APBB1IP: variants seen among roughly 807,000 people sequenced by gnomAD.
APBB1IP encodes amyloid beta precursor protein binding family B member 1 interacting protein.
A neutral mutation model predicts 64.9 loss-of-function variants in APBB1IP; 27 were observed. The observed-to-expected ratio is 0.42, with a 90% CI of 0.31 to 0.57. The LOEUF is 0.57. Among genes scored for constraint, APBB1IP ranks in the 20% least tolerant of loss-of-function variants. APBB1IP has a pLI of 0.20. For synonymous variants in APBB1IP, 392 were observed against 331.0 expected, an observed-to-expected ratio of 1.18 and a Z score of -2.00; for missense variants, 812 against 845.5, an observed-to-expected ratio of 0.96 and a Z score of 0.49.
intron 2 of APBB1IP, among the ~76,000 whole-genome samples, chr10:26,462,099 T>G (rs2065753): frequency 0.4 from 60,165 of 152,140 alleles, 12,010 homozygotes; most frequent in South Asian, 0.5. Flanking sequence ...TGCTTGTTTG[T>G]TTACGTAGTG....
At chr10:26,474,441 G>A (rs569233495) in intron 2 of APBB1IP, among the ~76,000 whole-genome samples, 81 of 152,210 alleles carry the variant, frequency 5.3e-4, no homozygotes, top group African/African-American at 1.9e-3. Context: ...TTTACTAATC[G>A]CCCAGGAAAA....
intron 4 of APBB1IP, 71 bp downstream of exon 4, chr10:26,496,462 AATT>A (rs955930488): frequency 4.7e-6 from 6 of 1,274,822 alleles, no homozygotes; most frequent in Non-Finnish European, 6.7e-6. Context: ...ATGAAACTAT[AATT>A]TGAAAACTAA....
At chr10:26,501,939 C>T (rs962359311) in intron 5 of APBB1IP, 6 of 152,162 alleles carry the variant, frequency 3.9e-5, no homozygotes, top group Admixed American at 6.5e-5. Flanking sequence ...CTCTATCACA[C>T]ACAGTGCTCT....
At chr10:26,542,367 G>A (rs560191213) in intron 11 of APBB1IP, among the ~76,000 whole-genome samples, 1 of 152,198 alleles carries the variant, frequency 6.6e-6, no homozygotes, top group East Asian at 1.9e-4. Context: ...TATTACCCAG[G>A]CTGGTCTCAA....
intron 11 of APBB1IP, among the ~76,000 whole-genome samples, chr10:26,543,003 G>A (rs1486872938): frequency 6.8e-6 from 1 of 147,438 alleles, no homozygotes; most frequent in East Asian, 2.0e-4. Context: ...ACCTTGCAGT[G>A]CACAAGAAAA....
intron 2 of APBB1IP, among the ~76,000 whole-genome samples, chr10:26,440,971 A>G (rs1312379651): frequency 6.6e-6 from 1 of 152,182 alleles, no homozygotes; most frequent in African/African-American, 2.4e-5. Context: ...GTGAGTCCAC[A>G]AATCTTATAA....
intron 5 of APBB1IP, 55 bp from the exon 6 acceptor site, chr10:26,503,142 T>G: frequency 6.5e-7 from 1 of 1,538,634 alleles, no homozygotes; most frequent in East Asian, 2.3e-5. Flanking sequence ...CAGAAGTGAT[T>G]ACTCACTGGT....
At chr10:26,558,140 A>AACACACACACAC (rs58025187) in intron 11 of APBB1IP, among the ~76,000 whole-genome samples, 315 of 148,988 alleles carry the variant, frequency 2.1e-3, no homozygotes, top group African/African-American at 6.1e-3. Flanking sequence ...CACACACACA[A>AACACACACACAC]ACACACACAC....
chr10:26,523,402 T>A (rs1836429455), intron 8 of APBB1IP, among the ~76,000 whole-genome samples: 1 of 152,228 alleles, frequency 6.6e-6, no homozygotes, highest in Non-Finnish European at 1.5e-5. Flanking sequence ...TGATGAGTCT[T>A]CTTCTTTCTC....
intron 2 of APBB1IP, among the ~76,000 whole-genome samples, chr10:26,476,260 T>C (rs923429515): frequency 1.3e-5 from 2 of 151,546 alleles, no homozygotes; most frequent in Non-Finnish European, 2.9e-5. Context: ...CATTTCACCA[T>C]GTTGGCCAGG....
At chr10:26,474,967 G>T (rs7908353) in intron 2 of APBB1IP, among the ~76,000 whole-genome samples, 3,628 of 152,332 alleles carry the variant, frequency 0.024, 145 homozygotes, top group African/African-American at 0.082. Context: ...ACGCCATCAT[G>T]TCTATGAAGA....
intron 2 of APBB1IP, among the ~76,000 whole-genome samples, chr10:26,478,071 A>T (rs12414757): frequency 0.068 from 10,341 of 152,260 alleles, 425 homozygotes; most frequent in Middle Eastern, 0.15. Flanking sequence ...CCGGGCTTAC[A>T]CCGTAGTTGA....
At chr10:26,547,271 T>C (rs947566985) in intron 11 of APBB1IP, among the ~76,000 whole-genome samples, 1 of 152,244 alleles carries the variant, frequency 6.6e-6, no homozygotes, top group African/African-American at 2.4e-5. Context: ...TAGTGAGTTA[T>C]ATGAGTTCCT....
intron 2 of APBB1IP, among the ~76,000 whole-genome samples, chr10:26,464,461 C>A (rs1357577842): frequency 6.6e-6 from 1 of 152,150 alleles, no homozygotes; most frequent in East Asian, 1.9e-4. Flanking sequence ...AGTGCAGTGG[C>A]ACAATCATGG....
At chr10:26,475,203 A>T (rs1231748843) in intron 2 of APBB1IP, among the ~76,000 whole-genome samples, 1 of 150,332 alleles carries the variant, frequency 6.7e-6, no homozygotes, top group Non-Finnish European at 1.5e-5. Context: ...GTTCACTGCA[A>T]CCTCCGCCTC....
chr10:26,566,714 G>A (rs1837049146), intron 14 of APBB1IP, among the ~76,000 whole-genome samples: 1 of 151,930 alleles, frequency 6.6e-6, no homozygotes, highest in Admixed American at 6.6e-5. Context: ...ACATATCTAT[G>A]GCATGGCCCT....
intron 2 of APBB1IP, among the ~76,000 whole-genome samples, chr10:26,444,769 G>A (rs1219152202): frequency 6.6e-6 from 1 of 152,108 alleles, no homozygotes; most frequent in East Asian, 1.9e-4. Flanking sequence ...GACAGGTAAG[G>A]GAGTTTAGGA....
intron 2 of APBB1IP, among the ~76,000 whole-genome samples, chr10:26,488,396 TG>T (rs1835918369): frequency 6.6e-6 from 1 of 152,064 alleles, no homozygotes; most frequent in Non-Finnish European, 1.5e-5. Context: ...CCCCCACACC[TG>T]GCTAATTTTT....
chr10:26,472,734 C>T (rs1373904903), intron 2 of APBB1IP, among the ~76,000 whole-genome samples: 1 of 152,052 alleles, frequency 6.6e-6, no homozygotes, highest in Non-Finnish European at 1.5e-5. Flanking sequence ...GTCAGGAGTT[C>T]GAGACCAGCC....
Sources: allele counts gnomAD v4.1 joint callset (sites outside exome capture counted in the v4.1 genomes callset), GRCh38; gene constraint gnomAD v4.1.1; transcripts MANE v1.5; gene names NCBI Gene and HGNC (gene_info 2026-07-23, HGNC 2026-07-21).